Variants in LINGO2 observed in about 807,000 individuals in gnomAD.
The protein encoded by LINGO2 is leucine rich repeat and Ig domain containing 2, also known as leucine-rich repeat and immunoglobulin-like domain-containing nogo receptor-interacting protein 2.
A neutral mutation model predicts 30.6 loss-of-function variants in LINGO2; 14 were observed. The observed-to-expected ratio is 0.46, with a 90% CI of 0.30 to 0.72. LINGO2 has a LOEUF of 0.72. Ranked by LOEUF, LINGO2 falls within the 30% of genes least tolerant of loss-of-function variation. The pLI is 0.07. For missense variants in LINGO2, 729 were observed against 751.7 expected (o/e 0.97, Z 0.35); for synonymous variants, 317 against 288.5 (o/e 1.10, Z -1.00).
chr9:27,949,678 G>A (rs150965709), exon 6 of LINGO2: 74 of 1,614,084 alleles, frequency 4.6e-5, no homozygotes, highest in Non-Finnish European at 5.9e-5. Context: ...GTTTCCAGCA[G>A]GTTCTGAGAC....
At chr9:28,087,194 T>C (rs953651853) in intron 4 of LINGO2, among the ~76,000 whole-genome samples, 2 of 152,086 alleles carry the variant, frequency 1.3e-5, no homozygotes, top group Non-Finnish European at 2.9e-5. Flanking sequence ...ATGCATATGA[T>C]ACTCCAGCAG....
At position 28,432,489 on chromosome 9, in the gene LINGO2, A is replaced by C. The variant is rs117942994; in HGVS notation, c.-279+43451T>G. ...CTGATGATGGAAAAAATCAAAAGGC[A>C]AAACTTTCCCTGTTATTGCTCAGAG... On this transcript the variant is annotated intron_variant, in intron 2 of 5. Coordinates refer to ENST00000379992, the Ensembl canonical transcript of LINGO2. Among the ~76,000 whole-genome samples, 667 of 152,158 alleles carry C rather than the reference A, an allele frequency of 4.4e-3. 2 individuals carry two copies. The highest frequency in any genetic ancestry group is 6.7e-3 in the Non-Finnish European group (452 of 67,944).
chr9:29,009,761 G>A, the LINGO2 span, among the ~76,000 whole-genome samples: 1 of 152,084 alleles, frequency 6.6e-6, no homozygotes, highest in Admixed American at 6.6e-5. Context: ...GAGGCATCAT[G>A]CTACCTGACT....
chr9:28,993,399 A>G, the LINGO2 span, among the ~76,000 whole-genome samples: 7 of 152,340 alleles, frequency 4.6e-5, no homozygotes, highest in African/African-American at 1.7e-4. Context: ...AAAAGAGTCC[A>G]GGACCAGATG....
chr9:28,458,153 A>T (rs2135106666), intron 2 of LINGO2, among the ~76,000 whole-genome samples: 1 of 152,312 alleles, frequency 6.6e-6, no homozygotes, highest in South Asian at 2.1e-4. Context: ...TTAACCTTAG[A>T]TCACAACATG....
the LINGO2 span, among the ~76,000 whole-genome samples, chr9:29,051,313 A>G: frequency 6.6e-6 from 1 of 151,956 alleles, no homozygotes; most frequent in African/African-American, 2.4e-5. Flanking sequence ...TCCCTCCCCA[A>G]CCTTTGGTAA....
intron 1 of LINGO2, among the ~76,000 whole-genome samples, chr9:28,634,812 G>A (rs1827180556): frequency 6.6e-6 from 1 of 152,076 alleles, no homozygotes; most frequent in African/African-American, 2.4e-5. Flanking sequence ...AAGTAACATG[G>A]GAGGAGTTAA....
At chr9:28,361,637 C>T (rs1820448859) in intron 3 of LINGO2, among the ~76,000 whole-genome samples, 2 of 151,852 alleles carry the variant, frequency 1.3e-5, no homozygotes, top group Admixed American at 1.3e-4. Context: ...CAGCAAAGGG[C>T]CTTGATTTTT....
chr9:28,687,274 G>A, the LINGO2 span, among the ~76,000 whole-genome samples: 3,653 of 152,146 alleles, frequency 0.024, 147 homozygotes, highest in African/African-American at 0.081. Context: ...TGATATTCTT[G>A]AATATAGTTA....
rs1827360105 is a variant in LINGO2, at chr9:28,130,850, T to C, written c.-86-118445A>G. The stretch of plus-strand genomic sequence containing the variant: ...ACAGAAGGAAGTTTATGTACATATG[T>C]TCCCATGAATGCGTTTGAGGCCTTT... On this transcript the variant is annotated intron_variant, in intron 4 of 5. Coordinates refer to ENST00000379992, the Ensembl canonical transcript of LINGO2. The surrounding 1 kb of genome is among the most constrained non-coding windows in gnomAD (Gnocchi z 5.2). 6.6e-6 allele frequency among the ~76,000 whole-genome samples: 1 copy of C among 152,282 alleles called. No homozygotes were observed. The highest frequency in any genetic ancestry group is 1.5e-5 in the Non-Finnish European group (1 of 67,990).
the LINGO2 span, among the ~76,000 whole-genome samples, chr9:28,732,554 A>G: frequency 2.0e-5 from 3 of 152,102 alleles, no homozygotes; most frequent in African/African-American, 7.2e-5. Flanking sequence ...TTTTTCTTTA[A>G]AGAAGGAGAA....
At chr9:28,525,508 T>C (rs113708640) in intron 1 of LINGO2, among the ~76,000 whole-genome samples, 1 of 152,174 alleles carries the variant, frequency 6.6e-6, no homozygotes, top group Non-Finnish European at 1.5e-5. Context: ...TAGTAACACA[T>C]GCAGCAATAT....
chr9:28,959,943 C>G, the LINGO2 span, among the ~76,000 whole-genome samples: 3 of 152,022 alleles, frequency 2.0e-5, no homozygotes, highest in East Asian at 5.8e-4. Flanking sequence ...ATAAATGGTC[C>G]TCATAGGGTA....
At chr9:29,088,602 T>C in the LINGO2 span, among the ~76,000 whole-genome samples, 1 of 152,148 alleles carries the variant, frequency 6.6e-6, no homozygotes, top group South Asian at 2.1e-4. Context: ...AATTTGTTAG[T>C]TTGCTAGGTA....
chr9:28,738,669 A>T, the LINGO2 span, among the ~76,000 whole-genome samples: 1 of 152,102 alleles, frequency 6.6e-6, no homozygotes, highest in Non-Finnish European at 1.5e-5. Flanking sequence ...ATATTATTAA[A>T]TTATTCAAAC....
chr9:28,055,947 TC>T (rs1563948411), intron 4 of LINGO2, among the ~76,000 whole-genome samples: 1 of 152,190 alleles, frequency 6.6e-6, no homozygotes, highest in Non-Finnish European at 1.5e-5. Context: ...ACTACTTGAA[TC>T]TATCATTACA....
At chr9:28,927,565 G>C in the LINGO2 span, among the ~76,000 whole-genome samples, 1 of 152,146 alleles carries the variant, frequency 6.6e-6, no homozygotes, top group Non-Finnish European at 1.5e-5. Flanking sequence ...CTGAAAAATA[G>C]GGAAATAAAT....
At chr9:29,021,740 GGA>G in the LINGO2 span, among the ~76,000 whole-genome samples, 1 of 142,282 alleles carries the variant, frequency 7.0e-6, no homozygotes, top group Non-Finnish European at 1.5e-5. Context: ...AAGGAAGGAA[GGA>G]AGGAAAGCAT....
the LINGO2 span, among the ~76,000 whole-genome samples, chr9:28,784,483 C>T: frequency 1.3e-5 from 2 of 152,046 alleles, no homozygotes; most frequent in African/African-American, 4.8e-5. Context: ...ATCAATACAA[C>T]GGGCATGCTA....
Sources: allele counts gnomAD v4.1 joint callset (sites outside exome capture counted in the v4.1 genomes callset), GRCh38; gene constraint gnomAD v4.1.1; non-coding constraint Gnocchi (gnomAD v3.1); transcripts MANE v1.5; gene names NCBI Gene and HGNC (gene_info 2026-07-23, HGNC 2026-07-21).